C19orf47: variants seen among roughly 807,000 people sequenced by gnomAD.
C19orf47 encodes the protein uncharacterized protein C19orf47.
A neutral mutation model predicts 32.3 loss-of-function variants in C19orf47; 18 were observed. That is an observed-to-expected ratio of 0.56 (90% CI 0.39 to 0.83). C19orf47 has a LOEUF of 0.83. Among genes scored for constraint, C19orf47 ranks in the 40% least tolerant of loss-of-function variants. The pLI, the probability that C19orf47 is intolerant of heterozygous loss-of-function variation, is 0.00. For missense variants in C19orf47, 484 were observed against 531.6 expected (o/e 0.91, Z 0.88); for synonymous variants, 202 against 211.1 (o/e 0.96, Z 0.37).
At chr19:40,344,459 A>T (rs1012993004) in intron 1 of C19orf47, among the ~76,000 whole-genome samples, 8 of 152,066 alleles carry the variant, frequency 5.3e-5, no homozygotes, top group Admixed American at 5.2e-4. Flanking sequence ...AGCCTGAGTG[A>T]CAGAGCAAGA....
chr19:40,312,342 G>C, the C19orf47 span, among the ~76,000 whole-genome samples: 1 of 152,066 alleles, frequency 6.6e-6, no homozygotes, highest in Admixed American at 6.6e-5. Flanking sequence ...GGTCGAGATC[G>C]AGACTATCCT....
At position 40,321,958 on chromosome 19, in the gene C19orf47, C is replaced by A. The variant is rs2077726660; in HGVS notation, c.1082G>T (p.Ser361Ile). The A allele has an allele frequency of 6.2e-7, 1 of 1,613,692 alleles. No individual in the cohort carries two copies. Among genetic ancestry groups the A allele is most frequent in the Non-Finnish European group, 8.5e-7 (1 of 1,179,934 alleles). Residue 361 changes from serine to isoleucine, a missense_variant, in exon 9 of 9, where the codon AGC (serine) becomes ATC (isoleucine). By Grantham distance (142) the Ser-to-Ile change is moderately radical. Coordinates refer to ENST00000683109, the MANE Select transcript of C19orf47 (RefSeq NM_001256441.2). ...GTCCATCTGGGCACCAAGGCCCTCG[C>A]TGGAGCTGCTCCCCCGGGGCCCCAC... ...TLVGPRGSSSSEGLGAQMDHA... is the reference protein window; with the variant it reads ...TLVGPRGSSSIEGLGAQMDHA...
upstream of C19orf47, chr19:40,348,477 C>T (rs2078381707): frequency 1.3e-6 from 2 of 1,498,600 alleles, no homozygotes; most frequent in Admixed American, 2.2e-5. Context: ...CGCTCTACCC[C>T]AACAGGCCGC....
intron 6 of C19orf47, among the ~76,000 whole-genome samples, chr19:40,326,748 T>A (rs938443499): frequency 2.0e-5 from 3 of 152,104 alleles, no homozygotes; most frequent in African/African-American, 7.2e-5. Flanking sequence ...AGCAGGCTTC[T>A]GGCCCAGCCC....
intron 5 of C19orf47, among the ~76,000 whole-genome samples, chr19:40,333,306 T>A (rs529146760): frequency 1.3e-5 from 2 of 150,640 alleles, no homozygotes; most frequent in African/African-American, 4.9e-5. Flanking sequence ...AATAAATAAA[T>A]AAAATGGCCC....
chr19:40,317,718 T>G (rs988473197), downstream of C19orf47, among the ~76,000 whole-genome samples: 10 of 147,216 alleles, frequency 6.8e-5, no homozygotes, highest in East Asian at 2.0e-4. Context: ...AAATCCACTG[T>G]TTTTTTTTTG....
chr19:40,310,896 A>C, the C19orf47 span, among the ~76,000 whole-genome samples: 1 of 152,170 alleles, frequency 6.6e-6, no homozygotes, highest in African/African-American at 2.4e-5. Context: ...ATGCCCAAAA[A>C]TACATAAAAA....
At chr19:40,341,639 A>G (rs2078179362) in intron 2 of C19orf47, 200 bp downstream of exon 2, 1 of 727,996 alleles carries the variant, frequency 1.4e-6, no homozygotes, top group African/African-American at 1.8e-5. Flanking sequence ...CAGCTAAACT[A>G]TACAGTCAGG....
the C19orf47 span, among the ~76,000 whole-genome samples, chr19:40,293,281 C>T: frequency 6.6e-6 from 1 of 151,326 alleles, no homozygotes; most frequent in Non-Finnish European, 1.5e-5. Context: ...GCTGGGATTA[C>T]AGGTGCCCAC....
chr19:40,302,717 G>A, the C19orf47 span, among the ~76,000 whole-genome samples: 1 of 152,290 alleles, frequency 6.6e-6, no homozygotes, highest in South Asian at 2.1e-4. Flanking sequence ...TGGAGGGTTT[G>A]TTATTTACCT....
the C19orf47 span, among the ~76,000 whole-genome samples, chr19:40,297,046 C>T: frequency 6.6e-6 from 1 of 152,130 alleles, no homozygotes; most frequent in Non-Finnish European, 1.5e-5. Flanking sequence ...CCTAAAACTG[C>T]TAGAAATATA....
At chr19:40,292,957 A>G in the C19orf47 span, among the ~76,000 whole-genome samples, 2 of 152,116 alleles carry the variant, frequency 1.3e-5, no homozygotes, top group African/African-American at 2.4e-5. Flanking sequence ...GACAATCTGC[A>G]TAACAACTTT....
At chr19:40,305,803 G>T in the C19orf47 span, among the ~76,000 whole-genome samples, 9 of 152,168 alleles carry the variant, frequency 5.9e-5, no homozygotes, top group Non-Finnish European at 1.2e-4. Flanking sequence ...TTAGATAAAA[G>T]TATCATGTCC....
downstream of C19orf47, among the ~76,000 whole-genome samples, chr19:40,319,281 T>A (rs1034448661): frequency 2.8e-4 from 42 of 150,422 alleles, no homozygotes; most frequent in African/African-American, 8.1e-4. Context: ...AAAAAAAAAA[T>A]AAACAATAAA....
At chr19:40,341,195 G>A (rs2078170445) in intron 2 of C19orf47, among the ~76,000 whole-genome samples, 1 of 151,788 alleles carries the variant, frequency 6.6e-6, no homozygotes, top group Non-Finnish European at 1.5e-5. Context: ...TTAGCTGGGC[G>A]TGGTGGCACG....
Position 40,335,868 on chromosome 19 carries a change from C to T in C19orf47, c.222+242G>A, listed in dbSNP as rs1292839788. ...TCGTGATCCGACCACCTCGGCCTCC[C>T]AAAGTGCTGAGATTACAGGCGTGAG... On this transcript the variant is annotated intron_variant, in intron 4 of 8. Transcript: ENST00000683109. Among the ~76,000 whole-genome samples the T allele has an allele frequency of 2.0e-5, 3 of 152,238 alleles. No individual in the cohort carries two copies. In the East Asian group the frequency reaches 5.8e-4, roughly 29 times the overall value.
chr19:40,304,390 C>T, the C19orf47 span, among the ~76,000 whole-genome samples: 8 of 152,270 alleles, frequency 5.3e-5, no homozygotes, highest in African/African-American at 1.7e-4. Context: ...TTCAGTGTCA[C>T]GAATCCCCTC....
chr19:40,299,655 T>C, the C19orf47 span: 1 of 152,276 alleles, frequency 6.6e-6, no homozygotes, highest in East Asian at 1.9e-4. Context: ...AATTCAGTCT[T>C]TTGACCTTGA....
At chr19:40,334,276 C>A (rs545980386) in intron 4 of C19orf47, among the ~76,000 whole-genome samples, 1 of 152,060 alleles carries the variant, frequency 6.6e-6, no homozygotes, top group Non-Finnish European at 1.5e-5. Context: ...CAGTGGGACG[C>A]TTATCTCTAG....
Sources: gnomAD v4.1 joint callset for allele counts (sites outside exome capture counted in the v4.1 genomes callset) on GRCh38, gnomAD v4.1.1 for gene constraint, MANE v1.5 for transcripts, NCBI Gene and HGNC (gene_info 2026-07-23, HGNC 2026-07-21) for gene names.